PCDH1: variants seen among roughly 807,000 people sequenced by gnomAD.
PCDH1 encodes the protein protocadherin 1.
Under a neutral mutation model 74.6 loss-of-function variants are expected in PCDH1, and 23 were observed. That is an observed-to-expected ratio of 0.31 (90% CI 0.22 to 0.44). PCDH1 has a LOEUF of 0.44. Among genes scored for constraint, PCDH1 ranks in the 20% least tolerant of loss-of-function variants. The pLI is 1.00. For synonymous variants in PCDH1, 647 were observed against 686.1 expected, an observed-to-expected ratio of 0.94 and a Z score of 0.89; for missense variants, 1,214 against 1,641.4, an observed-to-expected ratio of 0.74 and a Z score of 4.50.
Position 141,868,300 on chromosome 5 carries a change from A to G in PCDH1, c.903+269T>C, listed in dbSNP as rs542531605. 4.7e-4 allele frequency among the ~76,000 whole-genome samples: 71 copies of G among 152,330 alleles called. No homozygotes were observed. Among genetic ancestry groups the G allele is most frequent in the African/African-American group, 1.6e-3 (68 of 41,568 alleles). On this transcript the variant is annotated intron_variant, in intron 2 of 4. Coordinates refer to ENST00000287008, the MANE Select transcript of PCDH1 (RefSeq NM_032420.5). This position sits in a 1 kb window ranked among gnomAD's most constrained non-coding sequence, Gnocchi z 4.8. ...CTAGGGCGGGAGTTTTACTTCTCAGAGGTTCCCCCAGCTTGAGTCTGCCTT... is the reference window on the plus strand; with the variant it reads ...CTAGGGCGGGAGTTTTACTTCTCAGGGGTTCCCCCAGCTTGAGTCTGCCTT...
chr5:141,856,090 G>A (rs1752324687), intron 4 of PCDH1: 1 of 846,446 alleles, frequency 1.2e-6, no homozygotes. Flanking sequence ...CCCTCAAAGT[G>A]CCAAGGCTCT....
Position 141,864,442 on chromosome 5 carries a change from G to A in PCDH1, c.1889C>T (p.Pro630Leu). The change falls in exon 3 of 5, where the codon CCA becomes CTA. Residue 630 changes from proline (P) to leucine (L), a missense_variant. Around this residue, in one of 4 missense-constraint regions of PCDH1, gnomAD observed 836 missense variants for 1,182.2 expected, o/e 0.71. Coordinates refer to ENST00000287008, the MANE Select transcript of PCDH1 (RefSeq NM_032420.5). This position sits in a 1 kb window ranked among gnomAD's most constrained non-coding sequence, Gnocchi z 5.9. ...ATCAATGACAGTCACCATGCCCACT[G>A]GACTCAGTGCTGGCATGTTCTCCAT... Reference protein sequence around the residue: ...SVMENMPALSPVGMVTVIDGD... With the variant: ...SVMENMPALSLVGMVTVIDGD... 1 of 1,614,110 alleles carries A rather than the reference G, an allele frequency of 6.2e-7. No individual in the cohort carries two copies. The highest frequency in any genetic ancestry group is 8.5e-7 in the Non-Finnish European group (1 of 1,180,010).
chr5:141,875,549 T>C lies in PCDH1; in HGVS notation c.40+2674A>G, dbSNP rs1004418035. 4.0e-5 allele frequency among the ~76,000 whole-genome samples: 6 copies of C among 150,856 alleles called. No individual in the cohort carries two copies. The South Asian group carries it at 1.3e-3, about 32-fold the overall frequency. ...CCCCCTCCTGGCCCTTCAACCCCCT[T>C]CTCAGCAATTAGCTTACTATCGCTT... On this transcript the variant is annotated intron_variant, in intron 1 of 4. Coordinates refer to ENST00000287008, the MANE Select transcript of PCDH1 (RefSeq NM_032420.5).
At chr5:141,861,234 C>G (rs898938786) in intron 3 of PCDH1, among the ~76,000 whole-genome samples, 2 of 151,846 alleles carry the variant, frequency 1.3e-5, no homozygotes, top group Non-Finnish European at 2.9e-5. Flanking sequence ...ACTCAATTGC[C>G]TCATCGTTCA....
In PCDH1 at chr5:141,878,099, C is replaced by G; in HGVS notation, c.40+124G>C. 9.3e-6 allele frequency: 8 copies of G among 864,618 alleles called. No homozygotes were observed. Among genetic ancestry groups the G allele is most frequent in the Non-Finnish European group, 1.3e-5 (8 of 627,156 alleles). The allele number at this position is 864,618 out of a possible 1,614,324, so 53.6% of individuals were successfully genotyped here. Reference sequence around the variant, plus strand: ...CCAGCAGCCCCCACCTCAGCCCCCTCGCGCCGAGCTCGTGTTGGGCCCCCG... The same window carrying G: ...CCAGCAGCCCCCACCTCAGCCCCCTGGCGCCGAGCTCGTGTTGGGCCCCCG... On this transcript the variant is annotated intron_variant, in intron 1 of 4. Transcript: ENST00000287008. The surrounding 1 kb of genome is among the most constrained non-coding windows in gnomAD (Gnocchi z 5.5).
At chr5:141,875,705 A>G (rs553690608) in intron 1 of PCDH1, among the ~76,000 whole-genome samples, 2 of 152,258 alleles carry the variant, frequency 1.3e-5, no homozygotes, top group Admixed American at 1.3e-4. Context: ...GAGAAGGGGT[A>G]AAAACTAAAT....
chr5:141,873,397 C>CA (rs1441945758), intron 1 of PCDH1, among the ~76,000 whole-genome samples: 2 of 150,718 alleles, frequency 1.3e-5, no homozygotes, highest in Admixed American at 1.3e-4. Flanking sequence ...CTCGGCCTCC[C>CA]AAAGTGCTAG....
At chr5:141,859,497 C>T (rs985623000) in intron 3 of PCDH1, among the ~76,000 whole-genome samples, 5 of 152,164 alleles carry the variant, frequency 3.3e-5, no homozygotes, top group Admixed American at 1.3e-4. Flanking sequence ...TTCCAGTTGG[C>T]TCTGCCTACT....
In PCDH1 at chr5:141,878,374, T is replaced by G; in HGVS notation, c.-112A>C. On this transcript the variant is annotated 5_prime_UTR_variant, in exon 1 of 5. Coordinates refer to ENST00000287008, the MANE Select transcript of PCDH1 (RefSeq NM_032420.5). This position sits in a 1 kb window ranked among gnomAD's most constrained non-coding sequence, Gnocchi z 5.5. ...GCTCTGGGCGCAGCAGCCCGGCGGCTTTGCGTCCGCGCCGCGCTCCCGCTC... is the reference window on the plus strand; with the variant it reads ...GCTCTGGGCGCAGCAGCCCGGCGGCGTTGCGTCCGCGCCGCGCTCCCGCTC... 6.3e-6 allele frequency: 5 copies of G among 795,660 alleles called. No homozygotes were observed. Among genetic ancestry groups the G allele is most frequent in the Non-Finnish European group, 6.5e-6 (4 of 615,756 alleles). 49.3% of individuals were successfully genotyped at this position (795,660 alleles called of 1,614,324 possible).
chr5:141,875,870 C>T (rs1196943699), intron 1 of PCDH1, among the ~76,000 whole-genome samples: 1 of 152,068 alleles, frequency 6.6e-6, no homozygotes, highest in Admixed American at 6.5e-5. Context: ...AATAAAGTAA[C>T]ACCCACCTAC....
At chr5:141,854,861 G>C (rs1489812318) in intron 4 of PCDH1, among the ~76,000 whole-genome samples, 1 of 151,974 alleles carries the variant, frequency 6.6e-6, no homozygotes, top group Non-Finnish European at 1.5e-5. Context: ...TAGTAGAGAT[G>C]GGGTTTCACC....
rs1752237282 is a variant in PCDH1, at chr5:141,854,245, T to C, written c.3511A>G (p.Ser1171Gly). 6.2e-7 allele frequency: 1 copy of C among 1,611,944 alleles called. No homozygotes were observed. The highest frequency in any genetic ancestry group is 8.5e-7 in the Non-Finnish European group (1 of 1,179,074). The change falls in exon 5 of 5, where the codon AGC becomes GGC. Residue 1171 changes from serine to glycine, a missense_variant. Coordinates refer to ENST00000287008, the MANE Select transcript of PCDH1 (RefSeq NM_032420.5). ...TTCCGGTCTTCCGGGGGGCTGGGGC[T>C]GCCGGCGCCCGCAGGCTCCTGCCCT... ...RGGQEPAGAG[S>G]PSPPEDRNTK... is the part of the protein sequence containing the mutation.
chr5:141,866,495 C>T (rs1164749438), intron 2 of PCDH1, among the ~76,000 whole-genome samples: 1 of 152,168 alleles, frequency 6.6e-6, no homozygotes, highest in East Asian at 1.9e-4. Context: ...AACATGAGGG[C>T]TGGAGTTAGG....
Position 141,873,283 on chromosome 5 carries a change from G to C in PCDH1, c.41-3852C>G, listed in dbSNP as rs1157699199. ...TGGGACTACAGGCACGTGCCACCAC[G>C]CCCGGCTAAATTTTTTTTTTTTTTT... On this transcript the variant is annotated intron_variant, in intron 1 of 4. Transcript: ENST00000287008. 2.0e-5 allele frequency among the ~76,000 whole-genome samples: 3 copies of C among 148,398 alleles called. No individual in the cohort carries two copies. In the East Asian group the frequency reaches 5.9e-4, roughly 29 times the overall value.
chr5:141,862,698 C>A (rs932286646), intron 3 of PCDH1: 3 of 990,904 alleles, frequency 3.0e-6, no homozygotes, highest in African/African-American at 1.7e-5. Context: ...CATGTGGGAC[C>A]CAGCCCCAGA....
At chr5:141,866,348 TGTCCCTCTGCA>T in intron 2 of PCDH1, 1 of 516,134 alleles carries the variant, frequency 1.9e-6, no homozygotes. Context: ...ATGAACTGTC[TGTCCCTCTGCA>T]GTCAGCGGGC....
chr5:141,861,498 C>T (rs1420378419), intron 3 of PCDH1, among the ~76,000 whole-genome samples: 9 of 152,062 alleles, frequency 5.9e-5, no homozygotes, highest in South Asian at 2.1e-4. Context: ...AGGAGAAAGA[C>T]GGAAGGAATG....
chr5:141,873,494 T>C (rs1225138408), intron 1 of PCDH1, among the ~76,000 whole-genome samples: 1 of 151,014 alleles, frequency 6.6e-6, no homozygotes, highest in Non-Finnish European at 1.5e-5. Flanking sequence ...TTGCCCAGGC[T>C]GGAGTGCAGG....
At position 141,868,747 on chromosome 5, in the gene PCDH1, C is replaced by A; in HGVS notation, c.725G>T (p.Arg242Leu). The A allele has an allele frequency of 1.9e-6, 3 of 1,614,182 alleles. No homozygotes were observed. Among genetic ancestry groups the A allele is most frequent in the Non-Finnish European group, 2.5e-6 (3 of 1,180,030 alleles). Residue 242 changes from arginine to leucine, a missense_variant, in exon 2 of 5, where the codon CGC (arginine) becomes CTC (leucine). Arg to Leu is a moderately radical substitution (Grantham distance 102). Coordinates refer to ENST00000287008, the MANE Select transcript of PCDH1 (RefSeq NM_032420.5). This position sits in a 1 kb window ranked among gnomAD's most constrained non-coding sequence, Gnocchi z 4.8. ...GATGGTGAGGTCATAGGAGTCCCAGCGCTCACGGTCCAGGTTGCCCATCAC... is the reference window on the plus strand; with the variant it reads ...GATGGTGAGGTCATAGGAGTCCCAGAGCTCACGGTCCAGGTTGCCCATCAC... ...LIVMGNLDRE[R>L]WDSYDLTIKV...
Sources: allele counts gnomAD v4.1 joint callset (sites outside exome capture counted in the v4.1 genomes callset), GRCh38; gene constraint gnomAD v4.1.1; regional missense constraint gnomAD v4.1.1; non-coding constraint Gnocchi (gnomAD v3.1); transcripts MANE v1.5; gene names NCBI Gene and HGNC (gene_info 2026-07-23, HGNC 2026-07-21).